Variants in TMEM266 observed in about 807,000 individuals in gnomAD.
TMEM266 encodes the protein transmembrane protein 266.
A neutral mutation model predicts 50.5 loss-of-function variants in TMEM266; 33 were observed. That is an observed-to-expected ratio of 0.65 (90% CI 0.50 to 0.87). TMEM266 has a LOEUF of 0.87. TMEM266 is among the 40% of genes least tolerant of loss of function. The probability of loss-of-function intolerance (pLI) is 0.00; values close to 1 mark genes in which losing one functional copy is unlikely to be tolerated. For synonymous variants in TMEM266, 310 were observed against 292.3 expected, an observed-to-expected ratio of 1.06 and a Z score of -0.62; for missense variants, 655 against 695.1, an observed-to-expected ratio of 0.94 and a Z score of 0.65.
intron 3 of TMEM266, among the ~76,000 whole-genome samples, chr15:76,142,042 A>T (rs1199434988): frequency 6.6e-6 from 1 of 152,200 alleles, no homozygotes; most frequent in African/African-American, 2.4e-5. Context: ...TCCATATTTT[A>T]GCTACTGTGA....
chr15:76,155,131 G>C (rs1419875790), intron 3 of TMEM266, among the ~76,000 whole-genome samples: 1 of 152,228 alleles, frequency 6.6e-6, no homozygotes, highest in East Asian at 1.9e-4. Flanking sequence ...AGAGGCGGAG[G>C]CCACAGTGGT....
chr15:76,064,561 A>G (rs960480226), intron 1 of TMEM266, among the ~76,000 whole-genome samples: 5 of 152,218 alleles, frequency 3.3e-5, no homozygotes, highest in African/African-American at 9.7e-5. Context: ...CCTCAGCCAC[A>G]AAGGCCTCCT....
intron 8 of TMEM266, among the ~76,000 whole-genome samples, chr15:76,180,607 C>CTTTTTTTTTTTT (rs59287886): frequency 1.6e-5 from 1 of 63,170 alleles, no homozygotes; most frequent in Non-Finnish European, 2.7e-5. Context: ...TCATCTTAAG[C>CTTTTTTTTTTTT]TTTTTTTTTT....
chr15:76,202,360 C>G (rs949627254), intron 10 of TMEM266, 96 bp downstream of exon 10: 1 of 1,107,654 alleles, frequency 9.0e-7, no homozygotes, highest in African/African-American at 1.6e-5. Flanking sequence ...TGCCCATCAC[C>G]TGGTGCCTGT....
At chr15:76,121,562 A>G (rs997720577) in intron 1 of TMEM266, among the ~76,000 whole-genome samples, 1 of 151,970 alleles carries the variant, frequency 6.6e-6, no homozygotes, top group African/African-American at 2.4e-5. Flanking sequence ...GACTACAGGC[A>G]CTCACCACCA....
At chr15:76,086,935 G>GA (rs948828775) in intron 1 of TMEM266, among the ~76,000 whole-genome samples, 1 of 151,338 alleles carries the variant, frequency 6.6e-6, no homozygotes, top group South Asian at 2.1e-4. Context: ...GGTCGGGGGG[G>GA]GGGCGGTGGT....
At chr15:76,184,039 G>A (rs1345559470) in intron 8 of TMEM266, among the ~76,000 whole-genome samples, 3 of 152,170 alleles carry the variant, frequency 2.0e-5, no homozygotes, top group South Asian at 2.1e-4. Flanking sequence ...TAGGTCACTC[G>A]CCTTTGAGGC....
intron 2 of TMEM266, 53 bp from the exon 3 acceptor site, chr15:76,137,654 T>G (rs910487381): frequency 6.5e-7 from 1 of 1,545,488 alleles, no homozygotes; most frequent in Non-Finnish European, 8.9e-7. Context: ...AATGGAAGAA[T>G]TTTTTGGCCC....
intron 8 of TMEM266, among the ~76,000 whole-genome samples, chr15:76,177,401 C>T (rs1018407885): frequency 6.6e-6 from 1 of 152,228 alleles, no homozygotes; most frequent in African/African-American, 2.4e-5. Flanking sequence ...CCCAGCCTCT[C>T]ACAGTTTTGG....
chr15:76,177,766 G>T (rs1416973878), intron 8 of TMEM266, among the ~76,000 whole-genome samples: 1 of 152,258 alleles, frequency 6.6e-6, no homozygotes, highest in Non-Finnish European at 1.5e-5. Context: ...GTCCAGAGCT[G>T]CTCTGTGCTG....
At chr15:76,178,099 T>C (rs2038324200) in intron 8 of TMEM266, among the ~76,000 whole-genome samples, 1 of 151,968 alleles carries the variant, frequency 6.6e-6, no homozygotes, top group African/African-American at 2.4e-5. Flanking sequence ...GGGACAGGCT[T>C]GGGAAGGGGC....
chr15:76,113,934 T>A (rs1344150145), intron 1 of TMEM266: 2 of 150,056 alleles, frequency 1.3e-5, no homozygotes, highest in African/African-American at 4.9e-5. Flanking sequence ...AAGAAAAGGA[T>A]GTGCCTGAAG....
intron 3 of TMEM266, among the ~76,000 whole-genome samples, chr15:76,143,163 G>A (rs1026832691): frequency 6.6e-6 from 1 of 152,018 alleles, no homozygotes; most frequent in African/African-American, 2.4e-5. Flanking sequence ...GCCTTCTCAG[G>A]CACCTGCTTC....
At chr15:76,186,894 C>A (rs1397618104) in intron 8 of TMEM266, among the ~76,000 whole-genome samples, 2 of 152,180 alleles carry the variant, frequency 1.3e-5, no homozygotes, top group Non-Finnish European at 2.9e-5. Context: ...CCTGGTGGGG[C>A]CCCAGCTGAG....
At chr15:76,175,723 T>C in intron 8 of TMEM266, 49 bp downstream of exon 8, 1 of 1,457,350 alleles carries the variant, frequency 6.9e-7, no homozygotes, top group Non-Finnish European at 9.6e-7. Context: ...CTGGGGACAC[T>C]GGTAGTGCCT....
rs112846611 is a variant in TMEM266, at chr15:76,075,211, A to G, written c.-97+15195A>G. ...TGTGGATGACATTTTGAGCCATGAC[A>G]TTGAATGAGCTCACCTAGGCCCTGG... On this transcript the variant is annotated intron_variant, in intron 1 of 10. Transcript: ENST00000388942. Among the ~76,000 whole-genome samples the G allele has an allele frequency of 4.3e-3, 649 of 152,236 alleles. 8 individuals are homozygous for G. The highest frequency in any genetic ancestry group is 0.015 in the African/African-American group (609 of 41,480).
At chr15:76,100,436 G>A (rs532052463) in intron 1 of TMEM266, among the ~76,000 whole-genome samples, 2 of 152,282 alleles carry the variant, frequency 1.3e-5, no homozygotes, top group Admixed American at 1.3e-4. Context: ...TTGAGCTCCT[G>A]TGGAGTTTGA....
At chr15:76,142,461 G>A (rs2037695381) in intron 3 of TMEM266, among the ~76,000 whole-genome samples, 2 of 152,198 alleles carry the variant, frequency 1.3e-5, no homozygotes, top group Admixed American at 1.3e-4. Flanking sequence ...GGAATTGCTG[G>A]CTGACAGGGT....
chr15:76,129,889 A>G (rs4886481), intron 1 of TMEM266, among the ~76,000 whole-genome samples: 27,284 of 151,970 alleles, frequency 0.18, 3,085 homozygotes, highest in East Asian at 0.44. Flanking sequence ...ATACAGGACA[A>G]ATGGGGGAAA....
Sources: gnomAD v4.1 joint callset for allele counts (sites outside exome capture counted in the v4.1 genomes callset) on GRCh38, gnomAD v4.1.1 for gene constraint, MANE v1.5 for transcripts, NCBI Gene and HGNC (gene_info 2026-07-23, HGNC 2026-07-21) for gene names.